Variants in ADGRL4 observed in about 807,000 individuals in gnomAD.
The protein encoded by ADGRL4 is adhesion G protein-coupled receptor L4.
Under a neutral mutation model 74.8 loss-of-function variants are expected in ADGRL4, and 90 were observed. The observed-to-expected ratio is 1.20, with a 90% CI of 1.02 to 1.43. ADGRL4 has a LOEUF of 1.43. ADGRL4 is among the 40% of genes most tolerant of loss of function. ADGRL4 has a pLI of 0.00. For synonymous variants in ADGRL4, 311 were observed against 279.2 expected (o/e 1.11, Z -1.14); for missense variants, 881 against 814.3 (o/e 1.08, Z -1.00).
intron 2 of ADGRL4, among the ~76,000 whole-genome samples, chr1:78,987,896 T>C (rs17102593): frequency 0.037 from 5,578 of 151,810 alleles, 141 homozygotes; most frequent in Middle Eastern, 0.054. Flanking sequence ...TATTGCTCTA[T>C]TGTCTTTTTT....
In ADGRL4 at chr1:78,920,184, T is replaced by C. The variant is rs758008998; in HGVS notation, c.1460A>G (p.Lys487Arg). Residue 487 changes from lysine (K) to arginine (R), a missense_variant and splice_region_variant, in exon 10 of 15, where the codon AAG becomes AGG. Lys to Arg is a conservative substitution (Grantham distance 26). Transcript: ENST00000370742. ...FLVGINTNTN[K>R]LFCSIIAGLL... ...ATAGAGATTAGGATGCCTACATACC[T>C]TATTAGTATTTGTATTGATCCCAAC... 7 of 1,608,516 alleles carry C rather than the reference T, an allele frequency of 4.4e-6. No homozygotes were observed. The highest frequency in any genetic ancestry group is 5.9e-6 in the Non-Finnish European group (7 of 1,176,644).
chr1:78,897,523 C>T (rs1258342784), intron 12 of ADGRL4, among the ~76,000 whole-genome samples: 1 of 152,066 alleles, frequency 6.6e-6, no homozygotes, highest in Non-Finnish European at 1.5e-5. Flanking sequence ...TATAAATCCC[C>T]TGATTTCAGA....
chr1:78,940,637 G>T (rs113866030), intron 3 of ADGRL4, among the ~76,000 whole-genome samples: 1 of 152,092 alleles, frequency 6.6e-6, no homozygotes, highest in South Asian at 2.1e-4. Flanking sequence ...CAGGTTTGAC[G>T]TCTTAAAGAT....
intron 8 of ADGRL4, among the ~76,000 whole-genome samples, chr1:78,924,408 G>C (rs1295378496): frequency 6.6e-6 from 1 of 151,986 alleles, no homozygotes; most frequent in East Asian, 1.9e-4. Context: ...CTAAGAAAGA[G>C]GAAGACATTG....
chr1:78,895,864 A>G (rs1648386703), intron 12 of ADGRL4, among the ~76,000 whole-genome samples: 1 of 152,066 alleles, frequency 6.6e-6, no homozygotes, highest in African/African-American at 2.4e-5. Context: ...AAGAACCTAT[A>G]GTATGCTGGA....
intron 2 of ADGRL4, among the ~76,000 whole-genome samples, chr1:78,958,959 C>T (rs1649887995): frequency 6.6e-6 from 1 of 152,164 alleles, no homozygotes; most frequent in South Asian, 2.1e-4. Context: ...CAAAGCAAGA[C>T]CTTCCACCAG....
At chr1:78,997,264 G>C (rs1318627120) in intron 2 of ADGRL4, among the ~76,000 whole-genome samples, 3 of 152,146 alleles carry the variant, frequency 2.0e-5, no homozygotes, top group Non-Finnish European at 4.4e-5. Context: ...CTGTCCTGGT[G>C]TATCTTCCAC....
chr1:78,916,063 G>T (rs1648866244), intron 12 of ADGRL4, among the ~76,000 whole-genome samples: 1 of 151,748 alleles, frequency 6.6e-6, no homozygotes, highest in Non-Finnish European at 1.5e-5. Flanking sequence ...AGAACAATGT[G>T]ACAGTGTTCA....
intron 2 of ADGRL4, among the ~76,000 whole-genome samples, chr1:78,982,469 TG>T (rs1650415314): frequency 6.6e-6 from 1 of 151,978 alleles, no homozygotes; most frequent in Non-Finnish European, 1.5e-5. Context: ...GCTTCAGGGT[TG>T]ATTAATTTGG....
At chr1:78,983,987 T>C (rs1337908677) in intron 2 of ADGRL4, among the ~76,000 whole-genome samples, 1 of 151,640 alleles carries the variant, frequency 6.6e-6, no homozygotes, top group East Asian at 1.9e-4. Context: ...GGACAAAGAA[T>C]AGTGAACTCA....
chr1:78,920,191 T>C lies in ADGRL4; in HGVS notation c.1453A>G (p.Thr485Ala), dbSNP rs1291735739. The C allele has an allele frequency of 6.2e-7, 1 of 1,610,090 alleles. No homozygotes were observed. Among genetic ancestry groups the C allele is most frequent in the African/African-American group, 1.3e-5 (1 of 74,834 alleles). ...TTAGGATGCCTACATACCTTATTAGTATTTGTATTGATCCCAACAAGAAAA... is the reference window on the plus strand; with the variant it reads ...TTAGGATGCCTACATACCTTATTAGCATTTGTATTGATCCCAACAAGAAAA... The part of the protein sequence containing the change: ...LVFLVGINTN[T>A]NKLFCSIIAG... Residue 485 changes from threonine to alanine, a missense_variant, in exon 10 of 15, where the codon ACT becomes GCT. Thr to Ala is a moderately conservative substitution (Grantham distance 58). Coordinates refer to ENST00000370742, the MANE Select transcript of ADGRL4 (RefSeq NM_022159.4).
At chr1:78,987,510 C>T (rs1259426069) in intron 2 of ADGRL4, among the ~76,000 whole-genome samples, 2 of 151,622 alleles carry the variant, frequency 1.3e-5, no homozygotes, top group African/African-American at 4.8e-5. Context: ...ATTCCCAATA[C>T]AACTAAAAAT....
Position 78,918,050 on chromosome 1 carries a change from G to T in ADGRL4, c.1462C>A (p.Leu488Ile). Residue 488 changes from leucine to isoleucine, a missense_variant and splice_region_variant, in exon 11 of 15, where the codon CTC (leucine) becomes ATC (isoleucine). Physicochemically the swap from Leu to Ile is conservative, Grantham distance 5. Coordinates refer to ENST00000370742, the MANE Select transcript of ADGRL4 (RefSeq NM_022159.4). Reference sequence around the variant, plus strand: ...AGTCCGGCAATGATTGAACAGAAGAGCTAGAAATCAAAGAAAAAAAAAAAA... The same window carrying T: ...AGTCCGGCAATGATTGAACAGAAGATCTAGAAATCAAAGAAAAAAAAAAAA... ...LVGINTNTNK[L>I]FCSIIAGLLH... 1 of 1,559,900 alleles carries T rather than the reference G, an allele frequency of 6.4e-7. No homozygotes were observed.
At chr1:78,946,055 A>C (rs1649594238) in intron 3 of ADGRL4, among the ~76,000 whole-genome samples, 1 of 152,058 alleles carries the variant, frequency 6.6e-6, no homozygotes, top group Non-Finnish European at 1.5e-5. Context: ...TTGCAAACTT[A>C]TTCTCTCAAA....
intron 8 of ADGRL4, among the ~76,000 whole-genome samples, chr1:78,925,806 T>A (rs1014742625): frequency 6.6e-5 from 10 of 152,106 alleles, no homozygotes; most frequent in Non-Finnish European, 1.3e-4. Context: ...TGGGTTGTTC[T>A]TGGCAACTCT....
At chr1:78,965,321 A>G (rs995053377) in intron 2 of ADGRL4, among the ~76,000 whole-genome samples, 6 of 152,204 alleles carry the variant, frequency 3.9e-5, no homozygotes, top group African/African-American at 1.4e-4. Context: ...TAACTATGCT[A>G]GAAAAAGAAA....
intron 2 of ADGRL4, among the ~76,000 whole-genome samples, chr1:78,969,966 A>T (rs1276170611): frequency 6.6e-6 from 1 of 152,178 alleles, no homozygotes; most frequent in Non-Finnish European, 1.5e-5. Context: ...AATAAATAGA[A>T]TGCTCACCAC....
In ADGRL4 at chr1:78,954,395, CA is replaced by C. The variant is rs201214123; in HGVS notation, c.173-7970del. On this transcript the variant is annotated intron_variant, in intron 2 of 14. Transcript: ENST00000370742. ...AGGGAAAAAAGATAAAGTAAGCCTTCAAAATCTAACATAAGAGAAAAAACAA... is the reference window on the plus strand; with the variant it reads ...AGGGAAAAAAGATAAAGTAAGCCTTCAAATCTAACATAAGAGAAAAAACAA... Among the ~76,000 whole-genome samples the C allele has an allele frequency of 3.8e-4, 58 of 151,898 alleles. 1 individual carries two copies. The East Asian group carries it at 0.011, about 29-fold the overall frequency.
intron 2 of ADGRL4, among the ~76,000 whole-genome samples, chr1:78,961,256 C>T (rs1330612065): frequency 6.6e-6 from 1 of 151,990 alleles, no homozygotes; most frequent in Non-Finnish European, 1.5e-5. Flanking sequence ...GATTCTCCTG[C>T]CTCAGCCTCC....
Sources: gnomAD v4.1 joint callset for allele counts (sites outside exome capture counted in the v4.1 genomes callset) on GRCh38, gnomAD v4.1.1 for gene constraint, MANE v1.5 for transcripts, NCBI Gene and HGNC (gene_info 2026-07-23, HGNC 2026-07-21) for gene names.